SATL1: variants seen among roughly 807,000 people sequenced by gnomAD.
SATL1 encodes spermidine/spermine N(1)-acetyltransferase-like protein 1.
A neutral mutation model predicts 51.8 loss-of-function variants in SATL1; 47 were observed. The observed-to-expected ratio is 0.91, with a 90% CI of 0.72 to 1.16. SATL1 has a LOEUF of 1.16. Among genes scored for constraint, SATL1 ranks in the 50% most tolerant of loss-of-function variants. SATL1 has a pLI of 0.00. For synonymous variants in SATL1, 176 were observed against 182.4 expected (o/e 0.97, Z 0.28); for missense variants, 520 against 526.4 (o/e 0.99, Z 0.12).
intron 4 of SATL1, among the ~76,000 whole-genome samples, chrX:85,099,969 G>T (rs1335734757): frequency 8.9e-6 from 1 of 112,661 alleles, no homozygotes; most frequent in Non-Finnish European, 1.9e-5. Context: ...ACTTTGGGAG[G>T]CCAAGGCAGG....
chrX:85,215,349 C>A (rs1436676035), intron 2 of SATL1, among the ~76,000 whole-genome samples: 1 of 111,086 alleles, frequency 9.0e-6, no homozygotes, highest in African/African-American at 3.3e-5. Context: ...CGCCTGGCTT[C>A]CATTTAGTCA....
At position 85,144,045 on chromosome X, in the gene SATL1, C is replaced by CT. The variant is rs1034022485; in HGVS notation, c.-312-34766dup. 1.5e-4 allele frequency among the ~76,000 whole-genome samples: 17 copies of CT among 110,767 alleles called. No homozygotes were observed. The South Asian group carries it at 1.9e-3, about 12-fold the overall frequency. ...ATCTTTGCCAAGCCAAGAAGTACAA[C>CT]TTTTTTTTTCTAAATATTGGCTATT... On this transcript the variant is annotated intron_variant, in intron 2 of 7. Coordinates refer to ENST00000644105, the MANE Select transcript of SATL1 (RefSeq NM_001367857.2).
chrX:85,216,508 A>G (rs898559187), intron 2 of SATL1, among the ~76,000 whole-genome samples: 15 of 111,350 alleles, frequency 1.3e-4, no homozygotes, highest in African/African-American at 4.6e-4. Context: ...TTGCAACTAT[A>G]GAACTTCATT....
intron 2 of SATL1, among the ~76,000 whole-genome samples, chrX:85,125,288 C>A (rs944934770): frequency 1.8e-5 from 2 of 109,720 alleles, no homozygotes; most frequent in African/African-American, 6.7e-5. Context: ...ACAATAAGTA[C>A]CATGAAGAGG....
rs1190310469 is a variant in SATL1, at chrX:85,169,103, C to G, written c.-313+55102G>C. On this transcript the variant is annotated intron_variant, in intron 2 of 7. Coordinates refer to ENST00000644105, the MANE Select transcript of SATL1 (RefSeq NM_001367857.2). ...GACTAACTGGATCCCACTCTTACACCATACACAAAAATAAACTCAAGATGG... is the reference window on the plus strand; with the variant it reads ...GACTAACTGGATCCCACTCTTACACGATACACAAAAATAAACTCAAGATGG... Among the ~76,000 whole-genome samples, 6 of 112,185 alleles carry G rather than the reference C, an allele frequency of 5.3e-5. No homozygotes were observed. In the Admixed American group the frequency reaches 5.7e-4, roughly 11 times the overall value.
At chrX:85,105,319 T>C (rs1925013254) in intron 3 of SATL1, among the ~76,000 whole-genome samples, 1 of 111,267 alleles carries the variant, frequency 9.0e-6, no homozygotes, top group Non-Finnish European at 1.9e-5. Flanking sequence ...TGTCGATACC[T>C]CCTCTAAGAC....
intron 1 of SATL1, among the ~76,000 whole-genome samples, chrX:85,235,447 T>C (rs1174269960): frequency 2.0e-5 from 2 of 101,770 alleles, no homozygotes; most frequent in East Asian, 5.9e-4. Flanking sequence ...GATAGGACAA[T>C]ATAAGTCTTA....
At chrX:85,222,229 T>C (rs993956682) in intron 2 of SATL1, among the ~76,000 whole-genome samples, 3 of 111,787 alleles carry the variant, frequency 2.7e-5, no homozygotes, top group African/African-American at 9.8e-5. Context: ...TGTTTCATCT[T>C]CTCTAAAGTG....
chrX:85,107,431 T>C lies in SATL1; in HGVS notation c.1538A>G (p.Gln513Arg), dbSNP rs1569464869. 1 of 1,212,524 alleles carries C rather than the reference T, an allele frequency of 8.2e-7. No homozygotes were observed. The highest frequency in any genetic ancestry group is 2.2e-5 in the Admixed American group (1 of 46,179). Residue 513 changes from glutamine to arginine, a missense_variant, in exon 3 of 8, where the codon CAA (glutamine) becomes CGA (arginine). Coordinates refer to ENST00000644105, the MANE Select transcript of SATL1 (RefSeq NM_001367857.2). ...CATGCCCATTTGGCTCACACTTGGT[T>C]GGCTCCTGCCTGGTTGACTCAGGCC... The part of the protein sequence containing the change: ...QPGLSQPGRS[Q>R]PSVSQMGMRQ...
intron 2 of SATL1, among the ~76,000 whole-genome samples, chrX:85,201,092 G>A (rs139486896): frequency 1.8e-5 from 2 of 111,260 alleles, no homozygotes; most frequent in African/African-American, 6.5e-5. Context: ...AGAACTCAAG[G>A]AAGGTGACTG....
At chrX:85,102,824 A>G (rs954827533) in intron 4 of SATL1, among the ~76,000 whole-genome samples, 3 of 111,253 alleles carry the variant, frequency 2.7e-5, no homozygotes, top group Admixed American at 9.6e-5. Flanking sequence ...ATATGTCATT[A>G]TATACTCAAC....
At chrX:85,114,400 C>T (rs1313106071) in intron 2 of SATL1, among the ~76,000 whole-genome samples, 1 of 111,350 alleles carries the variant, frequency 9.0e-6, no homozygotes, top group African/African-American at 3.3e-5. Flanking sequence ...TATTCATGAA[C>T]GTTTTAGCTC....
At chrX:85,100,733 C>T (rs758184987) in intron 4 of SATL1, among the ~76,000 whole-genome samples, 1 of 111,533 alleles carries the variant, frequency 9.0e-6, no homozygotes, top group South Asian at 3.8e-4. Context: ...TTCCAAGGGG[C>T]CCCAAATAGC....
chrX:85,105,425 A>C (rs1925015124), intron 3 of SATL1, among the ~76,000 whole-genome samples: 1 of 111,667 alleles, frequency 9.0e-6, no homozygotes, highest in South Asian at 3.7e-4. Flanking sequence ...ATATGCATTC[A>C]ATGTTTGTAT....
chrX:85,097,200 A>T (rs193039896), intron 4 of SATL1, among the ~76,000 whole-genome samples: 41 of 111,178 alleles, frequency 3.7e-4, no homozygotes, highest in African/African-American at 1.3e-3. Flanking sequence ...GTTCAGTAAG[A>T]CTCGCTGTGG....
chrX:85,119,178 G>A (rs988373732), intron 2 of SATL1, among the ~76,000 whole-genome samples: 1 of 111,305 alleles, frequency 9.0e-6, no homozygotes, highest in Non-Finnish European at 1.9e-5. Flanking sequence ...GAGGCTTAGA[G>A]AAGCTACAGT....
At chrX:85,139,235 A>T (rs955274353) in intron 2 of SATL1, among the ~76,000 whole-genome samples, 2 of 111,498 alleles carry the variant, frequency 1.8e-5, no homozygotes, top group Admixed American at 1.9e-4. Context: ...ATAACAGCTA[A>T]TACTTTTATA....
intron 2 of SATL1, among the ~76,000 whole-genome samples, chrX:85,186,093 G>A (rs1643266934): frequency 9.1e-6 from 1 of 110,005 alleles, no homozygotes; most frequent in Admixed American, 9.8e-5. Flanking sequence ...TTCTGGCCCT[G>A]GGCATGCCTG....
intron 2 of SATL1, among the ~76,000 whole-genome samples, chrX:85,173,627 T>A (rs1927021830): frequency 9.0e-6 from 1 of 110,667 alleles, no homozygotes; most frequent in African/African-American, 3.3e-5. Context: ...ACTTTCCAAA[T>A]TAGGAGATAT....
Sources: allele counts gnomAD v4.1 joint callset (sites outside exome capture counted in the v4.1 genomes callset), GRCh38; gene constraint gnomAD v4.1.1; transcripts MANE v1.5; gene names NCBI Gene and HGNC (gene_info 2026-07-23, HGNC 2026-07-21).